The following SPON1 variants were observed in gnomAD, a reference collection of about 807,000 sequenced individuals.
SPON1 encodes spondin-1.
SPON1 carries 52 observed loss-of-function variants against 111.7 expected under a neutral mutation model. The ratio of observed to expected loss-of-function variants is 0.47; its 90% CI spans 0.37 to 0.59. The LOEUF (loss-of-function observed/expected upper bound fraction) is 0.59, where lower values mean the gene tolerates loss of function less well. Ranked by LOEUF, SPON1 falls within the 20% of genes least tolerant of loss-of-function variation. The pLI, the probability that SPON1 is intolerant of heterozygous loss-of-function variation, is 0.00. For missense variants in SPON1, 957 were observed against 1,068.5 expected, an observed-to-expected ratio of 0.90 and a Z score of 1.46; for synonymous variants, 410 against 395.8, an observed-to-expected ratio of 1.04 and a Z score of -0.43.
intron 6 of SPON1, among the ~76,000 whole-genome samples, chr11:14,201,357 A>G (rs935760008): frequency 1.3e-4 from 5 of 37,286 alleles, no homozygotes; most frequent in South Asian, 1.4e-3. Flanking sequence ...CAAAAAAACA[A>G]AAAAACAAAA....
intron 5 of SPON1, among the ~76,000 whole-genome samples, chr11:14,089,342 G>A (rs1849031639): frequency 6.6e-6 from 1 of 152,128 alleles, no homozygotes; most frequent in African/African-American, 2.4e-5. Context: ...TGTTGATGTT[G>A]ATGTTATTGC....
chr11:14,083,558 A>C (rs1848980954), intron 5 of SPON1, among the ~76,000 whole-genome samples: 1 of 152,184 alleles, frequency 6.6e-6, no homozygotes, highest in Admixed American at 6.5e-5. Flanking sequence ...ATCTTTTACA[A>C]ATGCATGGTT....
At chr11:14,131,626 C>T (rs782249499) in intron 5 of SPON1, among the ~76,000 whole-genome samples, 2 of 152,146 alleles carry the variant, frequency 1.3e-5, no homozygotes, top group Non-Finnish European at 2.9e-5. Context: ...ACAATTCTTT[C>T]GAAAACTATC....
chr11:14,259,570 G>T lies in SPON1; in HGVS notation c.1700G>T (p.Trp567Leu). The T allele has an allele frequency of 6.4e-7, 1 of 1,554,314 alleles. No individual in the cohort carries two copies. Among genetic ancestry groups the T allele is most frequent in the Non-Finnish European group, 8.7e-7 (1 of 1,148,856 alleles). The change falls in exon 13 of 16, where the codon TGG (tryptophan) becomes TTG (leucine). Residue 567 changes from tryptophan (W) to leucine (L), a missense_variant. By Grantham distance (61) the Trp-to-Leu change is moderately conservative (BLOSUM62 -2). Coordinates refer to ENST00000576479, the MANE Select transcript of SPON1 (RefSeq NM_006108.4). This position sits in a 1 kb window ranked among gnomAD's most constrained non-coding sequence, Gnocchi z 5.0. The stretch of plus-strand genomic sequence containing the variant: ...TGCCTGATGACCGAGTGGGGCGAGT[G>T]GGACGAGTGCAGCGCCACCTGCGGC... Reference protein sequence around the residue: ...SSCLMTEWGEWDECSATCGMG... With the variant: ...SSCLMTEWGELDECSATCGMG...
At chr11:14,121,062 G>A (rs1849301212) in intron 5 of SPON1, among the ~76,000 whole-genome samples, 1 of 152,194 alleles carries the variant, frequency 6.6e-6, no homozygotes, top group Admixed American at 6.5e-5. Flanking sequence ...ATGCTAAGAA[G>A]TCAGACTCAA....
At chr11:14,122,392 C>T (rs1847400741) in intron 5 of SPON1, among the ~76,000 whole-genome samples, 1 of 152,174 alleles carries the variant, frequency 6.6e-6, no homozygotes, top group Admixed American at 6.5e-5. Context: ...CCAGGATGGT[C>T]TTGATCTCCT....
In SPON1 at chr11:13,993,358, C is replaced by T. The variant is rs188888661; in HGVS notation, c.345+10405C>T. On this transcript the variant is annotated intron_variant, in intron 2 of 15. Transcript: ENST00000576479. ...CTAGATGTCAGAAAACACAGAGCCT[C>T]TCTTTGATGAGATAGCTGATTCGGT... Among the ~76,000 whole-genome samples the T allele has an allele frequency of 1.2e-4, 18 of 152,024 alleles. No individual in the cohort carries two copies. The East Asian group carries it at 3.1e-3, about 26-fold the overall frequency.
At chr11:13,991,081 G>A (rs1848226083) in intron 2 of SPON1, among the ~76,000 whole-genome samples, 1 of 152,176 alleles carries the variant, frequency 6.6e-6, no homozygotes, top group Admixed American at 6.5e-5. Flanking sequence ...GAGTATCTTT[G>A]TGGTGTTCTC....
intron 6 of SPON1, among the ~76,000 whole-genome samples, chr11:14,243,060 C>G (rs574924995): frequency 5.0e-4 from 76 of 152,320 alleles, no homozygotes; most frequent in Middle Eastern, 6.8e-3. Flanking sequence ...GATCTCTGCT[C>G]TAGTGGGGAA....
chr11:13,975,672 C>T (rs17463035), intron 1 of SPON1, among the ~76,000 whole-genome samples: 13,828 of 152,114 alleles, frequency 0.091, 682 homozygotes, highest in South Asian at 0.17. Context: ...GGAAGCCTTG[C>T]TTTATTATAA....
intron 1 of SPON1, among the ~76,000 whole-genome samples, chr11:13,968,050 A>G (rs140867052): frequency 1.3e-5 from 2 of 152,342 alleles, no homozygotes; most frequent in African/African-American, 4.8e-5. Flanking sequence ...TCAAGAAGCT[A>G]TAATCACTGA....
intron 2 of SPON1, among the ~76,000 whole-genome samples, chr11:14,030,370 G>A (rs1357309818): frequency 1.3e-5 from 2 of 152,096 alleles, no homozygotes; most frequent in Non-Finnish European, 2.9e-5. Flanking sequence ...TCTGCTTTTG[G>A]GGGAGAAATG....
chr11:14,180,410 G>A (rs73426131), intron 6 of SPON1, among the ~76,000 whole-genome samples: 7,144 of 152,144 alleles, frequency 0.047, 525 homozygotes, highest in African/African-American at 0.16. Context: ...AACTTCCTCC[G>A]CAGATATTTC....
chr11:14,113,489 A>G (rs1849241079), intron 5 of SPON1, among the ~76,000 whole-genome samples: 1 of 149,154 alleles, frequency 6.7e-6, no homozygotes, highest in East Asian at 2.0e-4. Flanking sequence ...CTAGACACTC[A>G]TCAATCAACC....
chr11:14,053,712 A>G (rs1229448324), intron 3 of SPON1, among the ~76,000 whole-genome samples: 1 of 152,220 alleles, frequency 6.6e-6, no homozygotes, highest in Non-Finnish European at 1.5e-5. Flanking sequence ...CATAGGAAGG[A>G]CAGTAATGAC....
At chr11:14,042,885 T>A (rs1035425413) in intron 3 of SPON1, among the ~76,000 whole-genome samples, 3 of 152,212 alleles carry the variant, frequency 2.0e-5, no homozygotes, top group South Asian at 4.1e-4. Flanking sequence ...TCACCCGTCA[T>A]TGTCTGGCCT....
intron 2 of SPON1, 52 bp from the exon 3 acceptor site, chr11:14,041,469 C>T (rs1004691525): frequency 2.0e-5 from 32 of 1,599,670 alleles, no homozygotes; most frequent in Non-Finnish European, 2.5e-5. Context: ...GAAGCTTAAG[C>T]GCCCTCTCAA....
chr11:14,189,060 T>G (rs1409372629), intron 6 of SPON1, among the ~76,000 whole-genome samples: 1 of 152,182 alleles, frequency 6.6e-6, no homozygotes, highest in Non-Finnish European at 1.5e-5. Flanking sequence ...TTTGACCCAG[T>G]TGTTCCACTT....
chr11:14,243,223 C>T, intron 6 of SPON1, 109 bp from the exon 7 acceptor site: 1 of 1,050,362 alleles, frequency 9.5e-7, no homozygotes, highest in Non-Finnish European at 1.4e-6. Context: ...GCAGGAAAAG[C>T]CCCAACAGCA....
Sources: gnomAD v4.1 joint callset for allele counts (sites outside exome capture counted in the v4.1 genomes callset) on GRCh38, gnomAD v4.1.1 for gene constraint, Gnocchi (gnomAD v3.1) non-coding constraint, MANE v1.5 for transcripts, NCBI Gene and HGNC (gene_info 2026-07-23, HGNC 2026-07-21) for gene names.